Variants in MME observed in about 807,000 individuals in gnomAD.
MME encodes neprilysin.
MME carries 98 observed loss-of-function variants against 113.2 expected under a neutral mutation model. The observed-to-expected ratio is 0.87, with a 90% CI of 0.74 to 1.02. The LOEUF (loss-of-function observed/expected upper bound fraction) is 1.02. Ranked by LOEUF, MME falls within the 50% of genes least tolerant of loss-of-function variation. The pLI, the probability that MME is intolerant of heterozygous loss-of-function variation, is 0.00. For missense variants in MME, 836 were observed against 896.0 expected (o/e 0.93, Z 0.86); for synonymous variants, 292 against 300.6 (o/e 0.97, Z 0.30).
At position 155,061,981 on chromosome 3, in the gene MME, C is replaced by T. The variant is rs992430655; in HGVS notation, c.-10-22177C>T. On this transcript the variant is annotated intron_variant, in intron 1 of 22. Transcript: ENST00000492661. ...AGGCCAGTTGTCTACTCTGTATGTT[C>T]TTTTACATTTTCTAGGTACATATCA... 2.6e-5 allele frequency among the ~76,000 whole-genome samples: 4 copies of T among 152,098 alleles called. No individual in the cohort carries two copies. In the East Asian group the frequency reaches 7.7e-4, roughly 29 times the overall value.
intron 8 of MME, among the ~76,000 whole-genome samples, chr3:155,119,257 T>C (rs1469762295): frequency 6.6e-6 from 1 of 152,116 alleles, no homozygotes; most frequent in African/African-American, 2.4e-5. Context: ...GGTAGTGACA[T>C]TGGGCTCAGA....
At chr3:155,156,884 G>A (rs1722357871) in intron 16 of MME, among the ~76,000 whole-genome samples, 1 of 151,976 alleles carries the variant, frequency 6.6e-6, no homozygotes, top group African/African-American at 2.4e-5. Context: ...AAGAGTGGGT[G>A]AAAAAAATTT....
At chr3:155,033,901 A>T (rs958657359) in intron 1 of MME, among the ~76,000 whole-genome samples, 1 of 152,210 alleles carries the variant, frequency 6.6e-6, no homozygotes, top group African/African-American at 2.4e-5. Flanking sequence ...ACCAGAATAA[A>T]CTTGAGGCAA....
At chr3:155,074,045 C>CCTCT (rs770461077) in intron 1 of MME, among the ~76,000 whole-genome samples, 1 of 147,502 alleles carries the variant, frequency 6.8e-6, no homozygotes, top group African/African-American at 2.5e-5. Context: ...CCTTCCTTTT[C>CCTCT]CTCTCTCTCT....
Position 155,180,677 on chromosome 3 carries a change from A to G in MME, c.*218A>G, listed in dbSNP as rs1713006626. On this transcript the variant is annotated 3_prime_UTR_variant, in exon 23 of 23. Coordinates refer to ENST00000360490, the MANE Select transcript of MME (RefSeq NM_007289.4). ...AGGTCTATCAAGTCAATCATTTCTC[A>G]CTGTGTACATAATGCTTAATTTCTA... is the stretch of plus-strand genomic sequence containing the variant. 7.3e-6 allele frequency: 4 copies of G among 551,608 alleles called. No homozygotes were observed. Among genetic ancestry groups the G allele is most frequent in the South Asian group, 2.0e-5 (1 of 50,648 alleles). The allele number at this position is 551,608 out of a possible 1,614,324, so 34.2% of individuals were successfully genotyped here.
At chr3:155,046,137 C>T (rs1713552333) in intron 1 of MME, among the ~76,000 whole-genome samples, 2 of 152,126 alleles carry the variant, frequency 1.3e-5, no homozygotes, top group Non-Finnish European at 2.9e-5. Flanking sequence ...TTAATATTGT[C>T]CTATGTGTCC....
intron 1 of MME, among the ~76,000 whole-genome samples, chr3:155,033,871 A>G (rs1273394609): frequency 2.0e-5 from 3 of 152,184 alleles, no homozygotes; most frequent in Non-Finnish European, 4.4e-5. Context: ...TAAAAATCCC[A>G]TATAACTTTC....
rs556170249 is a variant in MME, at chr3:155,124,961, C to T, written c.720+6150C>T. Among the ~76,000 whole-genome samples, 50 of 152,298 alleles carry T rather than the reference C, an allele frequency of 3.3e-4. 1 individual carries two copies. In the East Asian group the frequency reaches 3.9e-3, roughly 12 times the overall value. ...GTGGACTCCACCCAGTTCGAGCTTCCGGGCTGCTTTGTTTACCTAAGCAAG... is the reference window on the plus strand; with the variant it reads ...GTGGACTCCACCCAGTTCGAGCTTCTGGGCTGCTTTGTTTACCTAAGCAAG... On this transcript the variant is annotated intron_variant, in intron 8 of 22. Transcript: ENST00000360490.
chr3:155,065,095 G>T (rs73874491), intron 1 of MME, among the ~76,000 whole-genome samples: 8,614 of 152,194 alleles, frequency 0.057, 698 homozygotes, highest in African/African-American at 0.18. Context: ...CCAAATTAGA[G>T]TACATTCTGT....
At chr3:155,029,063 C>A (rs1269873051) in intron 1 of MME, among the ~76,000 whole-genome samples, 1 of 152,048 alleles carries the variant, frequency 6.6e-6, no homozygotes, top group Non-Finnish European at 1.5e-5. Context: ...AGTTATTAAA[C>A]AAAGTCCTAA....
At chr3:155,152,589 C>G (rs750483291) in intron 16 of MME, among the ~76,000 whole-genome samples, 12 of 152,094 alleles carry the variant, frequency 7.9e-5, no homozygotes, top group Admixed American at 5.2e-4. Flanking sequence ...GCCTATAATC[C>G]TAGCACTTTG....
chr3:155,127,948 T>C (rs550954606), intron 8 of MME, among the ~76,000 whole-genome samples: 31 of 83,526 alleles, frequency 3.7e-4, no homozygotes, highest in African/African-American at 1.2e-3. Context: ...TATTCTCAGC[T>C]TAATTAGGTG....
At chr3:155,105,905 A>G (rs1717644521) in intron 3 of MME, among the ~76,000 whole-genome samples, 2 of 152,198 alleles carry the variant, frequency 1.3e-5, no homozygotes, top group Admixed American at 6.5e-5. Context: ...TATAATTTAC[A>G]TTGTATATTT....
chr3:155,067,268 T>C (rs1434885090), intron 1 of MME, among the ~76,000 whole-genome samples: 2 of 149,076 alleles, frequency 1.3e-5, no homozygotes, highest in African/African-American at 4.9e-5. Context: ...TAAAAATTTA[T>C]ATAACAGATT....
intron 1 of MME, among the ~76,000 whole-genome samples, chr3:155,047,997 C>A (rs1410260364): frequency 6.6e-6 from 1 of 152,002 alleles, no homozygotes; most frequent in Non-Finnish European, 1.5e-5. Context: ...TTATTTTATC[C>A]ATTATTTAGG....
intron 3 of MME, among the ~76,000 whole-genome samples, chr3:155,103,357 G>A (rs924614420): frequency 2.0e-5 from 3 of 150,200 alleles, no homozygotes; most frequent in African/African-American, 4.9e-5. Flanking sequence ...TCAAGGAAAC[G>A]TTTTCAGTCT....
chr3:155,154,605 A>G (rs1373152052), intron 16 of MME, among the ~76,000 whole-genome samples: 1 of 152,192 alleles, frequency 6.6e-6, no homozygotes, highest in South Asian at 2.1e-4. Flanking sequence ...AGAGAAAAAA[A>G]CACATTCTTG....
intron 1 of MME, among the ~76,000 whole-genome samples, chr3:155,044,780 A>G (rs1713492474): frequency 6.6e-6 from 1 of 152,216 alleles, no homozygotes; most frequent in Non-Finnish European, 1.5e-5. Flanking sequence ...ATGAAAAATT[A>G]TATTAGTTAA....
intron 1 of MME, among the ~76,000 whole-genome samples, chr3:155,066,655 A>C (rs963960059): frequency 4.6e-5 from 7 of 152,214 alleles, no homozygotes; most frequent in African/African-American, 1.4e-4. Flanking sequence ...CTTTAACTAA[A>C]ATACATGGTG....
Sources: gnomAD v4.1 joint callset for allele counts (sites outside exome capture counted in the v4.1 genomes callset) on GRCh38, gnomAD v4.1.1 for gene constraint, MANE v1.5 for transcripts, NCBI Gene and HGNC (gene_info 2026-07-23, HGNC 2026-07-21) for gene names.